The following ATG5 variants were observed in gnomAD, a reference collection of about 807,000 sequenced individuals.
The protein encoded by ATG5 is autophagy related 5.
In ATG5, 14 loss-of-function variants were observed where a neutral mutation model predicts 36.5. That is an observed-to-expected ratio of 0.38 (90% CI 0.25 to 0.60). The LOEUF is 0.60. Among genes scored for constraint, ATG5 ranks in the 20% least tolerant of loss-of-function variants. The probability of loss-of-function intolerance (pLI) is 0.60; values close to 1 mark genes in which losing one functional copy is unlikely to be tolerated. For missense variants in ATG5, 195 were observed against 326.7 expected (o/e 0.60, Z 3.11); for synonymous variants, 95 against 101.5 (o/e 0.94, Z 0.38).
intron 5 of ATG5, among the ~76,000 whole-genome samples, chr6:106,268,164 A>G (rs879934793): frequency 6.6e-6 from 1 of 151,934 alleles, no homozygotes; most frequent in Non-Finnish European, 1.5e-5. Context: ...TAGAATCTAC[A>G]AGGAACTTAA....
rs1480670832 is a variant in ATG5 at position 106,185,611 on chromosome 6, G to A, written c.*929C>T. On this transcript the variant is annotated 3_prime_UTR_variant, in exon 8 of 8. Coordinates refer to ENST00000369076, the MANE Select transcript of ATG5 (RefSeq NM_004849.4). The stretch of plus-strand genomic sequence containing the variant: ...GGAGCCAATGAAAAACACTAGCTTG[G>A]AAGGAATGGGTTTTTCCAAAAATGC... The A allele has an allele frequency of 6.6e-6, 1 of 152,316 alleles. No individual in the cohort carries two copies. The highest frequency in any genetic ancestry group is 1.9e-4 in the East Asian group (1 of 5,334). The allele number at this position is 152,316 out of a possible 1,614,324, so 9.4% of individuals were successfully genotyped here. A position where few individuals can be genotyped will look rare whatever the true frequency, so the allele number is the denominator to read the frequency against.
chr6:106,232,191 GCTAA>G (rs902874565), intron 6 of ATG5, among the ~76,000 whole-genome samples: 7 of 152,096 alleles, frequency 4.6e-5, no homozygotes, highest in African/African-American at 1.2e-4. Context: ...CGGCCAGGAG[GCTAA>G]CTGTCTCCTG....
intron 5 of ATG5, among the ~76,000 whole-genome samples, chr6:106,259,690 T>TA (rs1285856410): frequency 3.3e-5 from 5 of 152,216 alleles, no homozygotes; most frequent in Non-Finnish European, 7.3e-5. Flanking sequence ...GTAAAAGAGT[T>TA]ATAGAGTTTT....
rs574080423 is a variant in ATG5, at chr6:106,320,481, G to GT, written c.-58-4216dup. On this transcript the variant is annotated intron_variant, in intron 1 of 7. Coordinates refer to ENST00000369076, the MANE Select transcript of ATG5 (RefSeq NM_004849.4). ...TTAAGGAAATTTTGGGTTGAGAGTA[G>GT]TATTAATAGATAATGAAAGAGCTGA... Among the ~76,000 whole-genome samples the GT allele has an allele frequency of 3.3e-5, 5 of 152,214 alleles. No individual in the cohort carries two copies. The East Asian group carries it at 9.6e-4, about 29-fold the overall frequency.
In ATG5 at chr6:106,313,717, AC is replaced by A. The variant is rs536390982; in HGVS notation, c.108+2383del. Among the ~76,000 whole-genome samples, 57 of 152,356 alleles carry A rather than the reference AC, an allele frequency of 3.7e-4. No homozygotes were observed. In the South Asian group the frequency reaches 8.7e-3, roughly 23 times the overall value. On this transcript the variant is annotated intron_variant, in intron 2 of 7. Coordinates refer to ENST00000369076, the MANE Select transcript of ATG5 (RefSeq NM_004849.4). ...AAATGCAGAAAAGAGGAATATATGT[AC>A]TATTAATATTAAAAATATGTTCAAG...
At chr6:106,251,305 G>A (rs982383016) in intron 5 of ATG5, among the ~76,000 whole-genome samples, 1 of 152,120 alleles carries the variant, frequency 6.6e-6, no homozygotes, top group Non-Finnish European at 1.5e-5. Context: ...AATTCAATGA[G>A]CTGAATATAC....
chr6:106,323,907 T>C (rs914408049), intron 1 of ATG5, among the ~76,000 whole-genome samples: 1 of 152,182 alleles, frequency 6.6e-6, no homozygotes, highest in Admixed American at 6.5e-5. Context: ...CTTCTTTCCC[T>C]CTTGTTCATT....
chr6:106,220,447 A>G (rs1318541931), intron 6 of ATG5, among the ~76,000 whole-genome samples: 1 of 152,216 alleles, frequency 6.6e-6, no homozygotes, highest in Non-Finnish European at 1.5e-5. Context: ...TACTTCATTA[A>G]TGAGTATGAT....
At chr6:106,264,587 G>C (rs969388808) in intron 5 of ATG5, among the ~76,000 whole-genome samples, 1 of 152,208 alleles carries the variant, frequency 6.6e-6, no homozygotes, top group Non-Finnish European at 1.5e-5. Context: ...AGGGCAGCCA[G>C]AGAGAAAGGT....
chr6:106,256,343 C>T (rs1778798503), intron 5 of ATG5, among the ~76,000 whole-genome samples: 1 of 152,178 alleles, frequency 6.6e-6, no homozygotes, highest in African/African-American at 2.4e-5. Context: ...ACTTTTGCTT[C>T]TCACCAGGAT....
chr6:106,196,565 T>C (rs1776199980), intron 7 of ATG5, among the ~76,000 whole-genome samples: 1 of 151,620 alleles, frequency 6.6e-6, no homozygotes, highest in Non-Finnish European at 1.5e-5. Flanking sequence ...CTCTACCAAA[T>C]ATACAAAAAT....
chr6:106,262,130 T>C (rs1779043820), intron 5 of ATG5, among the ~76,000 whole-genome samples: 1 of 152,218 alleles, frequency 6.6e-6, no homozygotes, highest in Non-Finnish European at 1.5e-5. Flanking sequence ...TGGAGTGCAG[T>C]GGCACCATCT....
intron 6 of ATG5, among the ~76,000 whole-genome samples, chr6:106,246,840 A>G (rs1172714028): frequency 6.6e-6 from 1 of 152,234 alleles, no homozygotes; most frequent in East Asian, 1.9e-4. Context: ...TCATGGTAAA[A>G]TAGAAAGAAT....
chr6:106,229,569 CAG>C (rs150400040), intron 6 of ATG5, among the ~76,000 whole-genome samples: 13,002 of 151,846 alleles, frequency 0.086, 581 homozygotes, highest in South Asian at 0.13. Flanking sequence ...TAAAAAAAAA[CAG>C]TGTGCCCTAT....
Position 106,231,070 on chromosome 6 carries a change from G to C in ATG5, c.573+17080C>G, listed in dbSNP as rs186983520. Among the ~76,000 whole-genome samples, 649 of 152,112 alleles carry C rather than the reference G, an allele frequency of 4.3e-3. 5 individuals are homozygous for C. Among genetic ancestry groups the C allele is most frequent in the African/African-American group, 0.015 (617 of 41,492 alleles). On this transcript the variant is annotated intron_variant, in intron 6 of 7. Transcript: ENST00000369076. ...CGGTCCAAAAGGAGATAGACAAAGG[G>C]GTAAACAACTAACCAAAGAATGCCA... is the stretch of plus-strand genomic sequence containing the variant.
At chr6:106,224,049 C>G (rs1426248568) in intron 6 of ATG5, among the ~76,000 whole-genome samples, 1 of 152,160 alleles carries the variant, frequency 6.6e-6, no homozygotes, top group Non-Finnish European at 1.5e-5. Context: ...ATATGAAGGG[C>G]TGGGGCATAT....
intron 1 of ATG5, among the ~76,000 whole-genome samples, chr6:106,323,825 C>T (rs974544709): frequency 2.0e-5 from 3 of 152,208 alleles, no homozygotes; most frequent in African/African-American, 7.2e-5. Flanking sequence ...ATTCAAAGTA[C>T]AAATTAAGGT....
chr6:106,230,740 A>C (rs1261989965), intron 6 of ATG5, among the ~76,000 whole-genome samples: 1 of 152,068 alleles, frequency 6.6e-6, no homozygotes, highest in Non-Finnish European at 1.5e-5. Flanking sequence ...TCAGATGCTA[A>C]GAAAAAAAAG....
At chr6:106,269,028 C>G (rs544842932) in intron 5 of ATG5, among the ~76,000 whole-genome samples, 1 of 152,164 alleles carries the variant, frequency 6.6e-6, no homozygotes, top group Admixed American at 6.5e-5. Flanking sequence ...CACATGTATC[C>G]TAGAACTTAA....
Sources: gnomAD v4.1 joint callset for allele counts (sites outside exome capture counted in the v4.1 genomes callset) on GRCh38, gnomAD v4.1.1 for gene constraint, MANE v1.5 for transcripts, NCBI Gene and HGNC (gene_info 2026-07-23, HGNC 2026-07-21) for gene names.